APTX: variants seen among roughly 807,000 people sequenced by gnomAD.
APTX encodes the protein aprataxin, also known as forkhead-associated domain histidine triad-like protein.
APTX carries 33 observed loss-of-function variants against 42.3 expected under a neutral mutation model. The ratio of observed to expected loss-of-function variants is 0.78; its 90% confidence interval spans 0.59 to 1.04. The LOEUF is 1.04. APTX is among the 50% of genes least tolerant of loss of function. The pLI, the probability that APTX is intolerant of heterozygous loss-of-function variation, is 0.00. For missense variants in APTX, 421 were observed against 415.1 expected, an observed-to-expected ratio of 1.01 and a Z score of -0.12; for synonymous variants, 130 against 146.7, an observed-to-expected ratio of 0.89 and a Z score of 0.82.
chr9:32,999,482 A>G (rs1835752590), intron 1 of APTX, among the ~76,000 whole-genome samples: 1 of 152,248 alleles, frequency 6.6e-6, no homozygotes, highest in African/African-American at 2.4e-5. Context: ...AACAGAAATG[A>G]CAAATGAAAA....
chr9:32,982,453 T>A (rs1169592291), intron 6 of APTX, among the ~76,000 whole-genome samples: 1 of 152,234 alleles, frequency 6.6e-6, no homozygotes, highest in African/African-American at 2.4e-5. Flanking sequence ...CTACAGTTAG[T>A]ATTATGAAAG....
At chr9:33,013,967 A>T (rs1837722981) in intron 1 of APTX, among the ~76,000 whole-genome samples, 1 of 152,224 alleles carries the variant, frequency 6.6e-6, no homozygotes, top group South Asian at 2.1e-4. Context: ...GCTAAAAGTA[A>T]CTGAACTCCA....
chr9:32,999,098 T>C (rs1199036989), intron 1 of APTX, among the ~76,000 whole-genome samples: 1 of 152,188 alleles, frequency 6.6e-6, no homozygotes, highest in African/African-American at 2.4e-5. Context: ...TCAATACTTG[T>C]TGAATAAATC....
At chr9:32,998,252 G>A (rs1344117318) in intron 1 of APTX, among the ~76,000 whole-genome samples, 2 of 152,132 alleles carry the variant, frequency 1.3e-5, no homozygotes, top group African/African-American at 2.4e-5. Flanking sequence ...CATGTAGGAG[G>A]TAGTTAAAAC....
At chr9:33,010,545 C>G (rs1411801662) in intron 1 of APTX, among the ~76,000 whole-genome samples, 1 of 151,844 alleles carries the variant, frequency 6.6e-6, no homozygotes, top group Admixed American at 6.6e-5. Flanking sequence ...CATGGTGAAA[C>G]CCCGTCCCTA....
At position 33,022,205 on chromosome 9, in the gene APTX, C is replaced by T. The variant is rs370413229; in HGVS notation, c.-5+2818G>A. The stretch of plus-strand genomic sequence containing the variant: ...TAAAGAAAACAATTGTAACACATGA[C>T]AGACTAATATCTACCCCTAAAAGGG... On this transcript the variant is annotated intron_variant, in intron 1 of 6. Transcript: ENST00000436040. 2.0e-5 allele frequency among the ~76,000 whole-genome samples: 3 copies of T among 152,000 alleles called. No homozygotes were observed. In the East Asian group the frequency reaches 5.8e-4, roughly 29 times the overall value.
At chr9:33,009,130 TAGG>T (rs1211058864) in intron 1 of APTX, among the ~76,000 whole-genome samples, 1 of 152,216 alleles carries the variant, frequency 6.6e-6, no homozygotes, top group Non-Finnish European at 1.5e-5. Flanking sequence ...TTTAAGAGTT[TAGG>T]AGATGATTAC....
chr9:33,011,969 G>A (rs912125507), intron 1 of APTX, among the ~76,000 whole-genome samples: 1 of 151,934 alleles, frequency 6.6e-6, no homozygotes, highest in African/African-American at 2.4e-5. Context: ...GCATGGTTTG[G>A]TCCCTCTTGA....
At chr9:32,985,584 T>C (rs111643338) in intron 5 of APTX, among the ~76,000 whole-genome samples, 5 of 152,096 alleles carry the variant, frequency 3.3e-5, no homozygotes, top group African/African-American at 9.6e-5. Context: ...GATCCTCCCG[T>C]CTCGGCCTCC....
At chr9:33,006,782 C>T (rs1002880986) in intron 1 of APTX, among the ~76,000 whole-genome samples, 1 of 151,782 alleles carries the variant, frequency 6.6e-6, no homozygotes, top group Non-Finnish European at 1.5e-5. Flanking sequence ...AGGCGAATCA[C>T]GAGGTCAGGA....
At position 32,987,827 on chromosome 9, in the gene APTX, C is replaced by CCA; in HGVS notation, c.199_200insTG (p.Ser67MetfsTer7). The CCA allele has an allele frequency of 6.2e-7, 1 of 1,613,598 alleles. No homozygotes were observed. The highest frequency in any genetic ancestry group is 8.5e-7 in the Non-Finnish European group (1 of 1,180,026). On this transcript the variant is annotated frameshift_variant, in exon 4 of 8. Transcript: ENST00000379817. LOFTEE classifies it high-confidence loss of function. Reference sequence around the variant, plus strand: ...CTTCCCAATTACGACTGAGTCAATGCTGGTGGGATTGACTCCTACCTATGG... The same window carrying CCA: ...CTTCCCAATTACGACTGAGTCAATGCCATGGTGGGATTGACTCCTACCTATGG...
intron 1 of APTX, chr9:33,024,774 C>T (rs1314527594): frequency 6.7e-6 from 1 of 150,000 alleles, no homozygotes; most frequent in East Asian, 2.0e-4. Context: ...GACCCAAGGC[C>T]TATGCTATTG....
At chr9:33,003,263 G>C (rs1487396249), upstream of APTX, among the ~76,000 whole-genome samples, 1 of 152,168 alleles carries the variant, frequency 6.6e-6, no homozygotes, top group Non-Finnish European at 1.5e-5. Context: ...ATTGTCTATA[G>C]TGTATTAGTG....
intron 6 of APTX, among the ~76,000 whole-genome samples, chr9:32,982,705 A>G (rs1291667299): frequency 1.3e-5 from 2 of 152,294 alleles, no homozygotes; most frequent in African/African-American, 4.8e-5. Context: ...CCTTAGCACG[A>G]CAACATTCAC....
intron 6 of APTX, among the ~76,000 whole-genome samples, chr9:32,983,795 C>T (rs1831257932): frequency 6.6e-6 from 1 of 152,032 alleles, no homozygotes; most frequent in Non-Finnish European, 1.5e-5. Flanking sequence ...TATGAGGTAC[C>T]TAGAGTAGTC....
At position 32,984,812 on chromosome 9, in the gene APTX, T is replaced by G; in HGVS notation, c.589A>C (p.Lys197Gln). The G allele has an allele frequency of 1.2e-6, 2 of 1,614,166 alleles. No individual in the cohort carries two copies. The highest frequency in any genetic ancestry group is 1.7e-6 in the Non-Finnish European group (2 of 1,180,032). ...QVVVIKDKYP[K>Q]ARYHWLVLPW... ...AAGACCAGCCAATGGTAACGGGCCT[T>G]TGGGTATTTATCCTTTATCACCACC... Residue 197 changes from lysine (K) to glutamine (Q), a missense_variant, in exon 6 of 8, where the codon AAG becomes CAG. Transcript: ENST00000379817.
At chr9:32,974,757 T>C (rs1646195623) in intron 6 of APTX, among the ~76,000 whole-genome samples, 196 bp from the exon 7 acceptor site, 1 of 152,144 alleles carries the variant, frequency 6.6e-6, no homozygotes, top group African/African-American at 2.4e-5. Flanking sequence ...GCTCAATAAG[T>C]ATGTACTATG....
At chr9:32,982,315 G>T (rs1167623646) in intron 6 of APTX, among the ~76,000 whole-genome samples, 1 of 152,062 alleles carries the variant, frequency 6.6e-6, no homozygotes, top group East Asian at 1.9e-4. Context: ...TAAGAAGAGA[G>T]AACAAATAAA....
chr9:32,985,510 A>G (rs1177921227), intron 5 of APTX, among the ~76,000 whole-genome samples: 1 of 151,614 alleles, frequency 6.6e-6, no homozygotes, highest in Admixed American at 6.6e-5. Flanking sequence ...AATTTTTTGT[A>G]TTTTTAGTAG....
Sources: gnomAD v4.1 joint callset for allele counts (sites outside exome capture counted in the v4.1 genomes callset) on GRCh38, gnomAD v4.1.1 for gene constraint, MANE v1.5 for transcripts, NCBI Gene and HGNC (gene_info 2026-07-23, HGNC 2026-07-21) for gene names.